The following AMPH variants were observed in gnomAD, a reference collection of about 807,000 sequenced individuals.
AMPH encodes amphiphysin (Stiff-Mann syndrome with breast cancer 128kD autoantigen).
A neutral mutation model predicts 99.1 loss-of-function variants in AMPH; 49 were observed. The observed-to-expected ratio is 0.49, with a 90% confidence interval of 0.39 to 0.63. The LOEUF is 0.63. Ranked by LOEUF, AMPH falls within the 20% of genes least tolerant of loss-of-function variation. The pLI is 0.00. For synonymous variants in AMPH, 314 were observed against 317.3 expected (o/e 0.99, Z 0.11); for missense variants, 759 against 863.4 (o/e 0.88, Z 1.52).
At chr7:38,573,370 T>C (rs1416868860) in intron 1 of AMPH, among the ~76,000 whole-genome samples, 1 of 117,212 alleles carries the variant, frequency 8.5e-6, no homozygotes, top group Non-Finnish European at 1.8e-5. Context: ...AAGAAATACA[T>C]ACATGTATGT....
intron 5 of AMPH, among the ~76,000 whole-genome samples, chr7:38,483,109 A>G (rs1175524109): frequency 1.3e-5 from 2 of 152,124 alleles, no homozygotes; most frequent in Non-Finnish European, 2.9e-5. Flanking sequence ...CTCAGTGAAG[A>G]GTGAAGAAAT....
chr7:38,451,771 T>C (rs1163879796), intron 11 of AMPH, among the ~76,000 whole-genome samples: 1 of 152,086 alleles, frequency 6.6e-6, no homozygotes, highest in Non-Finnish European at 1.5e-5. Flanking sequence ...GAAAATGCTG[T>C]TTTAAAAGAA....
chr7:38,432,601 C>CACACACAA, intron 12 of AMPH, among the ~76,000 whole-genome samples: 1 of 151,580 alleles, frequency 6.6e-6, no homozygotes, highest in Non-Finnish European at 1.5e-5. Flanking sequence ...CACACACACA[C>CACACACAA]ACACACACAC....
chr7:38,571,441 A>AAT (rs1284227997), intron 1 of AMPH, among the ~76,000 whole-genome samples: 12 of 105,748 alleles, frequency 1.1e-4, no homozygotes, highest in South Asian at 8.4e-4. Flanking sequence ...ATTTATATAG[A>AAT]ATATATTTAT....
chr7:38,506,110 G>A (rs189988315), intron 2 of AMPH, among the ~76,000 whole-genome samples: 60 of 152,260 alleles, frequency 3.9e-4, no homozygotes, highest in African/African-American at 1.4e-3. Context: ...GGATCCCAGA[G>A]TGAAGGGACC....
At chr7:38,443,506 A>T (rs921709445) in intron 11 of AMPH, among the ~76,000 whole-genome samples, 1 of 152,178 alleles carries the variant, frequency 6.6e-6, no homozygotes, top group East Asian at 1.9e-4. Context: ...ACATATCATC[A>T]CCAAATGGGG....
chr7:38,439,746 A>G (rs1231077124), intron 11 of AMPH, among the ~76,000 whole-genome samples: 1 of 152,176 alleles, frequency 6.6e-6, no homozygotes, highest in Non-Finnish European at 1.5e-5. Flanking sequence ...ACAGTGGGAG[A>G]AAATCTTCCA....
chr7:38,480,128 G>C (rs1465157609), intron 5 of AMPH, among the ~76,000 whole-genome samples: 1 of 152,018 alleles, frequency 6.6e-6, no homozygotes, highest in Non-Finnish European at 1.5e-5. Context: ...GATCCTTCTA[G>C]CAACCTACAG....
Position 38,476,856 on chromosome 7 carries a change from C to G in AMPH, c.504+6G>C. Reference sequence around the variant, plus strand: ...GAGTGGTATTCACCATGGGCTCAATCCCTACCTTAGAGATTCGACTCTCAT... The same window carrying G: ...GAGTGGTATTCACCATGGGCTCAATGCCTACCTTAGAGATTCGACTCTCAT... On this transcript the variant is annotated splice_donor_region_variant and intron_variant, in intron 6 of 20. Coordinates refer to ENST00000356264, the MANE Select transcript of AMPH (RefSeq NM_001635.4). The G allele has an allele frequency of 6.2e-7, 1 of 1,610,980 alleles. No homozygotes were observed. The highest frequency in any genetic ancestry group is 8.5e-7 in the Non-Finnish European group (1 of 1,177,326).
intron 12 of AMPH, 73 bp downstream of exon 12, chr7:38,436,199 G>A (rs1018601671): frequency 9.4e-7 from 1 of 1,068,832 alleles, no homozygotes; most frequent in Admixed American, 1.8e-5. Context: ...AAAGGTATAG[G>A]GATCATTGGT....
chr7:38,601,727 C>T (rs1793253593), intron 1 of AMPH, among the ~76,000 whole-genome samples: 1 of 152,306 alleles, frequency 6.6e-6, no homozygotes, highest in African/African-American at 2.4e-5. Flanking sequence ...ATCCCAGCTC[C>T]ACTGTGTAAC....
intron 1 of AMPH, among the ~76,000 whole-genome samples, chr7:38,619,128 G>A (rs188264209): frequency 3.0e-4 from 45 of 152,224 alleles, no homozygotes; most frequent in African/African-American, 1.0e-3. Context: ...GGAATTCGAG[G>A]CTGCAGTGAG....
intron 17 of AMPH, among the ~76,000 whole-genome samples, chr7:38,396,838 G>A (rs1189075257): frequency 6.6e-6 from 1 of 152,110 alleles, no homozygotes; most frequent in Non-Finnish European, 1.5e-5. Flanking sequence ...CTTTATTGTC[G>A]GAGACATTAA....
chr7:38,389,976 T>C, intron 19 of AMPH, 71 bp from the exon 20 acceptor site: 3 of 1,176,294 alleles, frequency 2.6e-6, no homozygotes, highest in Non-Finnish European at 3.8e-6. Context: ...TACAAGTCAC[T>C]CTCCAACCTG....
chr7:38,527,248 T>G (rs531544082), intron 2 of AMPH, among the ~76,000 whole-genome samples: 4 of 152,350 alleles, frequency 2.6e-5, no homozygotes, highest in South Asian at 4.1e-4. Context: ...TCTGTGCATT[T>G]CCATGTAAAT....
intron 14 of AMPH, chr7:38,428,624 C>A (rs980010332): frequency 2.2e-6 from 1 of 456,514 alleles, no homozygotes; most frequent in African/African-American, 2.0e-5. Context: ...TAGTCAAATC[C>A]CATCCCTCAG....
chr7:38,537,782 C>T (rs1382109299), intron 1 of AMPH, among the ~76,000 whole-genome samples: 12 of 152,304 alleles, frequency 7.9e-5, no homozygotes, highest in Admixed American at 2.0e-4. Context: ...TGGTCCTGGA[C>T]GCTTCCAGAG....
intron 1 of AMPH, among the ~76,000 whole-genome samples, chr7:38,623,933 C>G (rs1304902103): frequency 1.3e-5 from 2 of 152,190 alleles, no homozygotes; most frequent in Non-Finnish European, 2.9e-5. Context: ...CTGTTTGACT[C>G]ACAAATATGA....
chr7:38,449,243 G>A (rs1038941460), intron 11 of AMPH, among the ~76,000 whole-genome samples: 5 of 152,140 alleles, frequency 3.3e-5, no homozygotes, highest in African/African-American at 1.2e-4. Context: ...GAGTGATATC[G>A]ATTTGTTCAT....
Sources: gnomAD v4.1 joint callset for allele counts (sites outside exome capture counted in the v4.1 genomes callset) on GRCh38, gnomAD v4.1.1 for gene constraint, MANE v1.5 for transcripts, NCBI Gene and HGNC (gene_info 2026-07-23, HGNC 2026-07-21) for gene names.